Variants in GARIN4 observed in about 807,000 individuals in gnomAD.
GARIN4 encodes the protein Golgi-associated RAB2 interactor protein 4.
the GARIN4 span, chr1:212,625,794 G>A: frequency 6.2e-7 from 1 of 1,614,188 alleles, no homozygotes; most frequent in Non-Finnish European, 8.5e-7. Flanking sequence ...TCTGCCCCTG[G>A]ACAGGTGAGC....
At chr1:212,626,227 G>A in the GARIN4 span, 1 of 1,614,174 alleles carries the variant, frequency 6.2e-7, no homozygotes, top group Non-Finnish European at 8.5e-7. Context: ...ACAAAACAAG[G>A]GGAGACAAGA....
At chr1:212,624,743 G>A in the GARIN4 span, 3 of 1,421,438 alleles carry the variant, frequency 2.1e-6, no homozygotes, top group Non-Finnish European at 2.7e-6. Flanking sequence ...CCTGTGGGGT[G>A]GGGTGGGATT....
the GARIN4 span, chr1:212,624,797 C>A: frequency 2.7e-6 from 4 of 1,455,644 alleles, no homozygotes; most frequent in South Asian, 4.4e-5. Context: ...AGGAGCACCA[C>A]TGGTCCCTCA....
At chr1:212,625,298 C>G in the GARIN4 span, 22 of 1,614,262 alleles carry the variant, frequency 1.4e-5, no homozygotes, top group Non-Finnish European at 1.8e-5. Context: ...ACAGCTGCGC[C>G]TGAAGTTCGC....
At chr1:212,624,848 C>T in the GARIN4 span, 1 of 1,534,092 alleles carries the variant, frequency 6.5e-7, no homozygotes, top group South Asian at 1.3e-5. Context: ...ACCTGCCTCA[C>T]CAGTGCTGCC....
the GARIN4 span, chr1:212,625,640 C>T: frequency 6.2e-7 from 1 of 1,614,182 alleles, no homozygotes; most frequent in Non-Finnish European, 8.5e-7. Context: ...CACTAATGTG[C>T]TCAATGCATC....
the GARIN4 span, chr1:212,626,700 G>C: frequency 6.5e-7 from 1 of 1,539,338 alleles, no homozygotes; most frequent in Non-Finnish European, 8.7e-7. Flanking sequence ...GGAGCCCAGA[G>C]CTCATGGGAG....
chr1:212,625,276 C>A, the GARIN4 span: 4 of 1,614,230 alleles, frequency 2.5e-6, no homozygotes, highest in Non-Finnish European at 3.4e-6. Flanking sequence ...CTGTTCAAGA[C>A]CATGAGAAAC....
At chr1:212,626,183 A>C in the GARIN4 span, 1 of 1,614,118 alleles carries the variant, frequency 6.2e-7, no homozygotes, top group East Asian at 2.2e-5. Flanking sequence ...TCTCGGAAGG[A>C]GTTCCCATCG....
the GARIN4 span, chr1:212,625,349 G>GAC: frequency 1.2e-6 from 2 of 1,614,244 alleles, no homozygotes; most frequent in Non-Finnish European, 8.5e-7. Context: ...TCCCGCTCTT[G>GAC]ACACACGGGA....
At chr1:212,625,416 G>A in the GARIN4 span, 2 of 1,614,090 alleles carry the variant, frequency 1.2e-6, no homozygotes, top group African/African-American at 2.7e-5. Context: ...CCCATGGAGA[G>A]TAACAGCAGT....
the GARIN4 span, chr1:212,624,657 C>A: frequency 2.7e-6 from 2 of 740,806 alleles, no homozygotes; most frequent in Non-Finnish European, 4.0e-6. Context: ...AGGCACCCTA[C>A]AGCACCCCCC....
the GARIN4 span, chr1:212,625,556 GT>G: frequency 1.2e-6 from 2 of 1,614,198 alleles, no homozygotes; most frequent in Non-Finnish European, 1.7e-6. Flanking sequence ...CCTCCACATG[GT>G]CTCTGAGGTG....
At chr1:212,625,323 G>C in the GARIN4 span, 3 of 1,614,260 alleles carry the variant, frequency 1.9e-6, no homozygotes, top group Non-Finnish European at 2.5e-6. Flanking sequence ...GGCAGATCTT[G>C]CTATCTGCAA....
chr1:212,626,626 G>A, the GARIN4 span: 8,525 of 1,611,126 alleles, frequency 5.3e-3, 420 homozygotes, highest in African/African-American at 0.1. Flanking sequence ...CTATGACACC[G>A]GACATCATGG....
At chr1:212,625,287 A>G in the GARIN4 span, 1 of 1,614,242 alleles carries the variant, frequency 6.2e-7, no homozygotes, top group East Asian at 2.2e-5. Context: ...CATGAGAAAC[A>G]ACAGCTGCGC....
At chr1:212,625,796 C>T in the GARIN4 span, 1 of 1,614,188 alleles carries the variant, frequency 6.2e-7, no homozygotes, top group Non-Finnish European at 8.5e-7. Context: ...TGCCCCTGGA[C>T]AGGTGAGCGC....
the GARIN4 span, chr1:212,624,666 C>A: frequency 2.4e-6 from 2 of 819,410 alleles, no homozygotes; most frequent in East Asian, 2.9e-5. Flanking sequence ...ACAGCACCCC[C>A]CACAGCAATC....
chr1:212,625,557 T>C, the GARIN4 span: 1 of 1,614,094 alleles, frequency 6.2e-7, no homozygotes, highest in Non-Finnish European at 8.5e-7. Flanking sequence ...CTCCACATGG[T>C]CTCTGAGGTG....
Sources: gnomAD v4.1 joint callset for allele counts on GRCh38, gnomAD v4.1.1 for gene constraint, MANE v1.5 for transcripts, NCBI Gene and HGNC (gene_info 2026-07-23, HGNC 2026-07-21) for gene names.